The following KCNQ4 variants were observed in gnomAD, a reference collection of about 807,000 sequenced individuals.
KCNQ4 encodes potassium voltage-gated channel subfamily KQT member 4.
In KCNQ4, 31 loss-of-function variants were observed where a neutral mutation model predicts 72.6. The ratio of observed to expected loss-of-function variants is 0.43; its 90% CI spans 0.32 to 0.58. KCNQ4 has a LOEUF of 0.58. KCNQ4 is among the 20% of genes least tolerant of loss of function. KCNQ4 has a pLI of 0.08. For synonymous variants in KCNQ4, 405 were observed against 403.7 expected (o/e 1.00, Z -0.04); for missense variants, 869 against 962.6 (o/e 0.90, Z 1.29).
intron 13 of KCNQ4, 89 bp downstream of exon 13, chr1:40,837,883 C>T: frequency 6.6e-7 from 1 of 1,521,936 alleles, no homozygotes; most frequent in Non-Finnish European, 8.9e-7. Flanking sequence ...CCCACAGCCA[C>T]AGCCCAAGGG....
chr1:40,784,250 C>A lies in KCNQ4; in HGVS notation c.157C>A (p.Pro53Thr). ...RRLGLLGSPL[P>T]PGAPLPGPGS... is the part of the protein sequence containing the mutation. ...CCTCGGCCTCCTGGGCAGCCCCCTG[C>A]CGCCGGGCGCGCCCCTCCCTGGGCC... Residue 53 changes from proline (P) to threonine (T), a missense_variant, in exon 1 of 14, where the codon CCG (proline) becomes ACG (threonine). Coordinates refer to ENST00000347132, the MANE Select transcript of KCNQ4 (RefSeq NM_004700.4). The surrounding 1 kb of genome is among the most constrained non-coding windows in gnomAD (Gnocchi z 4.1). 1 of 1,377,586 alleles carries A rather than the reference C, an allele frequency of 7.3e-7. No individual in the cohort carries two copies. 85.3% of individuals were successfully genotyped at this position (1,377,586 alleles called of 1,614,324 possible).
intron 12 of KCNQ4, among the ~76,000 whole-genome samples, chr1:40,837,259 T>A (rs1178696511): frequency 2.6e-5 from 4 of 152,154 alleles, no homozygotes; most frequent in African/African-American, 9.7e-5. Flanking sequence ...AGCTAATTTT[T>A]AAAAAATTAT....
At chr1:40,816,748 G>T (rs753606031) in intron 1 of KCNQ4, among the ~76,000 whole-genome samples, 1 of 152,108 alleles carries the variant, frequency 6.6e-6, no homozygotes, top group South Asian at 2.1e-4. Flanking sequence ...TAGCTGTCTC[G>T]TTACTTAATT....
At chr1:40,805,792 C>T (rs548570569) in intron 1 of KCNQ4, among the ~76,000 whole-genome samples, 2 of 151,914 alleles carry the variant, frequency 1.3e-5, no homozygotes, top group African/African-American at 4.8e-5. Flanking sequence ...GCCCACAACT[C>T]AGTGGATTTC....
chr1:40,794,272 G>A lies in KCNQ4; in HGVS notation c.314+9865G>A, dbSNP rs1306333468. 6.6e-6 allele frequency among the ~76,000 whole-genome samples: 1 copy of A among 152,232 alleles called. No individual in the cohort carries two copies. Among genetic ancestry groups the A allele is most frequent in the Admixed American group, 6.5e-5 (1 of 15,284 alleles). On this transcript the variant is annotated intron_variant, in intron 1 of 13. Transcript: ENST00000347132. This position sits in a 1 kb window ranked among gnomAD's most constrained non-coding sequence, Gnocchi z 4.2. The stretch of plus-strand genomic sequence containing the variant: ...AGGCTGTGGAGGTGGGCCTTACCCT[G>A]TGGGCAGTGGGGAGCCATACACGGT...
In KCNQ4 at chr1:40,784,166, G is replaced by C; in HGVS notation, c.73G>C (p.Ala25Pro). The change falls in exon 1 of 14, where the codon GCG (alanine) becomes CCG (proline). Residue 25 changes from alanine (A) to proline (P), a missense_variant. Ala to Pro is a conservative substitution (Grantham distance 27, BLOSUM62 -1). Coordinates refer to ENST00000347132, the MANE Select transcript of KCNQ4 (RefSeq NM_004700.4). This position sits in a 1 kb window ranked among gnomAD's most constrained non-coding sequence, Gnocchi z 4.1. ...GGACGCCCCCCGCGCGGAGCTAGTG[G>C]CGCTCACGGCCGTGCAGAGCGAACA... is the stretch of plus-strand genomic sequence containing the variant. ...PGDAPRAELVALTAVQSEQGE... is the reference protein window; with the variant it reads ...PGDAPRAELVPLTAVQSEQGE... 1 of 1,102,736 alleles carries C rather than the reference G, an allele frequency of 9.1e-7. No homozygotes were observed. Among genetic ancestry groups the C allele is most frequent in the South Asian group, 2.7e-5 (1 of 36,396 alleles). 68.3% of individuals were successfully genotyped at this position (1,102,736 alleles called of 1,614,324 possible). A position where few individuals can be genotyped will look rare whatever the true frequency, so the allele number is the denominator to read the frequency against.
chr1:40,799,916 T>C (rs887303483), intron 1 of KCNQ4, among the ~76,000 whole-genome samples: 1 of 152,126 alleles, frequency 6.6e-6, no homozygotes, highest in African/African-American at 2.4e-5. Context: ...GCACAATATA[T>C]AAAACAGATC....
At chr1:40,837,231 G>T (rs1411194933) in intron 12 of KCNQ4, among the ~76,000 whole-genome samples, 4 of 152,062 alleles carry the variant, frequency 2.6e-5, no homozygotes, top group African/African-American at 9.7e-5. Flanking sequence ...GGGACCACAG[G>T]CATGAGCTAC....
chr1:40,807,647 C>CT (rs1647805132), intron 1 of KCNQ4, among the ~76,000 whole-genome samples: 1 of 152,342 alleles, frequency 6.6e-6, no homozygotes, highest in South Asian at 2.1e-4. Flanking sequence ...GGCTGCCCCC[C>CT]TTGTCAGGAA....
chr1:40,819,776 C>T lies in KCNQ4; in HGVS notation c.835-99C>T, dbSNP rs537613250. The T allele has an allele frequency of 7.1e-5, 73 of 1,026,770 alleles. 1 individual carries two copies. In the African/African-American group the frequency reaches 9.7e-4, roughly 14 times the overall value. 63.6% of individuals were successfully genotyped at this position (1,026,770 alleles called of 1,614,324 possible). A position where few individuals can be genotyped will look rare whatever the true frequency, so the allele number is the denominator to read the frequency against. ...ACCAGCCCCCGTGGGTGACCAGGGG[C>T]CCCTTCCCTCATGATCAGGCTCCTA... On this transcript the variant is annotated intron_variant, in intron 5 of 13. Coordinates refer to ENST00000347132, the MANE Select transcript of KCNQ4 (RefSeq NM_004700.4).
intron 1 of KCNQ4, among the ~76,000 whole-genome samples, chr1:40,789,371 C>G (rs1647238402): frequency 1.3e-5 from 2 of 152,166 alleles, no homozygotes; most frequent in Admixed American, 1.3e-4. Flanking sequence ...AACAATTTTC[C>G]TAACCTAGCC....
chr1:40,810,341 G>A (rs1323597323), intron 1 of KCNQ4, among the ~76,000 whole-genome samples: 9 of 152,168 alleles, frequency 5.9e-5, no homozygotes, highest in East Asian at 3.9e-4. Flanking sequence ...TTGGTTGTGC[G>A]GAAGGCTTCT....
At chr1:40,823,103 G>A (rs1393008260) in intron 8 of KCNQ4, among the ~76,000 whole-genome samples, 4 of 152,234 alleles carry the variant, frequency 2.6e-5, no homozygotes, top group Non-Finnish European at 4.4e-5. Context: ...TGTGCTCAGC[G>A]CTTCTGCGGG....
chr1:40,834,956 T>G lies in KCNQ4; in HGVS notation c.1614-11T>G, dbSNP rs1648765934. 6.2e-7 allele frequency: 1 copy of G among 1,612,090 alleles called. No homozygotes were observed. The highest frequency in any genetic ancestry group is 8.5e-7 in the Non-Finnish European group (1 of 1,178,864). On this transcript the variant is annotated splice_polypyrimidine_tract_variant and intron_variant, in intron 11 of 13. Coordinates refer to ENST00000347132, the MANE Select transcript of KCNQ4 (RefSeq NM_004700.4). ...AACAGGACACTCCCTCTGAGCCCCCTCCCCCAACAGGATTCTCAAGTTCCT... is the reference window on the plus strand; with the variant it reads ...AACAGGACACTCCCTCTGAGCCCCCGCCCCCAACAGGATTCTCAAGTTCCT...
intron 1 of KCNQ4, among the ~76,000 whole-genome samples, chr1:40,791,074 C>A (rs1475810866): frequency 6.6e-6 from 1 of 152,080 alleles, no homozygotes; most frequent in African/African-American, 2.4e-5. Flanking sequence ...GGCACTCCCC[C>A]ACTCTCTCCT....
chr1:40,814,703 CAAAA>C (rs112653467), intron 1 of KCNQ4, among the ~76,000 whole-genome samples: 5 of 124,942 alleles, frequency 4.0e-5, no homozygotes, highest in Non-Finnish European at 5.3e-5. Flanking sequence ...GACCCTGTCT[CAAAA>C]AAAAACAAAA....
In KCNQ4 at chr1:40,806,496, G is replaced by GA. The variant is rs1344739485; in HGVS notation, c.315-10767dup. 2.0e-5 allele frequency among the ~76,000 whole-genome samples: 3 copies of GA among 152,232 alleles called. No individual in the cohort carries two copies. The East Asian group carries it at 5.8e-4, about 29-fold the overall frequency. ...AGAAGGAAGCAGACAGAACAAGTCG[G>GA]AAGGTTTGGGGCTGGTGCAGGTGGG... On this transcript the variant is annotated intron_variant, in intron 1 of 13. Transcript: ENST00000347132.
At chr1:40,819,277 G>C in intron 4 of KCNQ4, 70 bp from the exon 5 acceptor site, 1 of 1,590,168 alleles carries the variant, frequency 6.3e-7, no homozygotes, top group Non-Finnish European at 8.6e-7. Context: ...TCCCTTTCCC[G>C]TGTGGAAGCC....
At chr1:40,822,180 G>A in intron 7 of KCNQ4, 134 bp from the exon 8 acceptor site, 1 of 736,922 alleles carries the variant, frequency 1.4e-6, no homozygotes, top group East Asian at 2.7e-5. Flanking sequence ...GTCAGTGGCT[G>A]TGGAATTGGA....
Sources: gnomAD v4.1 joint callset for allele counts (sites outside exome capture counted in the v4.1 genomes callset) on GRCh38, gnomAD v4.1.1 for gene constraint, Gnocchi (gnomAD v3.1) non-coding constraint, MANE v1.5 for transcripts, NCBI Gene and HGNC (gene_info 2026-07-23, HGNC 2026-07-21) for gene names.